Variants in SPATS2 observed in about 807,000 individuals in gnomAD.
SPATS2 encodes spermatogenesis associated serine rich 2, also known as spermatogenesis-associated serine-rich protein 2.
SPATS2 carries 38 observed loss-of-function variants against 63.7 expected under a neutral mutation model. That is an observed-to-expected ratio of 0.60 (90% CI 0.46 to 0.78). SPATS2 has a LOEUF of 0.78. Ranked by LOEUF, SPATS2 falls within the 30% of genes least tolerant of loss-of-function variation. The probability of loss-of-function intolerance (pLI) is 0.00; values close to 1 mark genes in which losing one functional copy is unlikely to be tolerated. For synonymous variants in SPATS2, 207 were observed against 232.9 expected (o/e 0.89, Z 1.01); for missense variants, 588 against 666.2 (o/e 0.88, Z 1.29).
intron 2 of SPATS2, among the ~76,000 whole-genome samples, chr12:49,439,473 C>T (rs1467748374): frequency 1.3e-5 from 2 of 152,086 alleles, no homozygotes; most frequent in Non-Finnish European, 2.9e-5. Flanking sequence ...ATGGCTTGGA[C>T]TAGAGTGGTA....
chr12:49,417,714 A>G (rs957823282), intron 2 of SPATS2, among the ~76,000 whole-genome samples: 15 of 152,240 alleles, frequency 9.9e-5, no homozygotes, highest in Non-Finnish European at 1.9e-4. Flanking sequence ...AAAGAAGACA[A>G]TAGCCTAGCA....
chr12:49,466,174 G>T (rs1218063708), intron 3 of SPATS2, among the ~76,000 whole-genome samples: 7 of 151,456 alleles, frequency 4.6e-5, no homozygotes, highest in East Asian at 3.9e-4. Context: ...GGGTTTTTGG[G>T]TTTTTTTGAA....
chr12:49,460,621 C>G (rs1254848335), intron 2 of SPATS2, 149 bp from the exon 3 acceptor site: 2 of 178,140 alleles, frequency 1.1e-5, no homozygotes, highest in African/African-American at 4.8e-5. Flanking sequence ...AAGAAAAATT[C>G]TGCTTTTCAG....
intron 3 of SPATS2, among the ~76,000 whole-genome samples, chr12:49,482,352 T>C (rs1946220696): frequency 1.3e-5 from 2 of 152,168 alleles, no homozygotes; most frequent in African/African-American, 2.4e-5. Flanking sequence ...TCCTCTAATC[T>C]TTCTCTGAGG....
At chr12:49,518,152 G>A (rs1946880989) in intron 10 of SPATS2, among the ~76,000 whole-genome samples, 1 of 152,222 alleles carries the variant, frequency 6.6e-6, no homozygotes, top group Non-Finnish European at 1.5e-5. Context: ...GTTGGAGAAA[G>A]AAAAGGATAA....
intron 2 of SPATS2, among the ~76,000 whole-genome samples, chr12:49,424,067 G>A (rs1049872572): frequency 3.9e-5 from 6 of 152,116 alleles, no homozygotes; most frequent in African/African-American, 1.4e-4. Context: ...GCCAGGCATG[G>A]TGGTATGCGC....
intron 1 of SPATS2, among the ~76,000 whole-genome samples, chr12:49,368,454 G>T (rs1395227616): frequency 6.6e-6 from 1 of 152,156 alleles, no homozygotes; most frequent in African/African-American, 2.4e-5. Context: ...GTTTTGGAGA[G>T]AACCAAAAGC....
chr12:49,477,059 C>G (rs572986405), intron 3 of SPATS2, among the ~76,000 whole-genome samples: 2 of 150,858 alleles, frequency 1.3e-5, no homozygotes, highest in Non-Finnish European at 2.9e-5. Context: ...GAGCCAAGAT[C>G]GCCATTACAC....
chr12:49,461,337 A>G (rs551432038), intron 3 of SPATS2: 19 of 272,126 alleles, frequency 7.0e-5, no homozygotes, highest in Non-Finnish European at 1.1e-4. Context: ...AGGATATTCT[A>G]TGTTGTTTGA....
chr12:49,508,182 A>G (rs1267382109), intron 9 of SPATS2, among the ~76,000 whole-genome samples: 1 of 150,060 alleles, frequency 6.7e-6, no homozygotes, highest in African/African-American at 2.4e-5. Context: ...TGGTTTCTGG[A>G]GCTTTTAGAC....
chr12:49,390,083 A>G (rs1944393752), intron 2 of SPATS2: 2 of 1,278,910 alleles, frequency 1.6e-6, no homozygotes, highest in African/African-American at 2.9e-5. Context: ...TCACTTTTGA[A>G]CCTAAGGAAA....
At chr12:49,389,216 C>A (rs1221990827) in intron 2 of SPATS2, among the ~76,000 whole-genome samples, 1 of 152,178 alleles carries the variant, frequency 6.6e-6, no homozygotes, top group Non-Finnish European at 1.5e-5. Flanking sequence ...TTCAAGTGTT[C>A]GGCCCTGCCC....
chr12:49,441,112 C>A (rs1437897287), intron 2 of SPATS2, among the ~76,000 whole-genome samples: 1 of 152,110 alleles, frequency 6.6e-6, no homozygotes, highest in Non-Finnish European at 1.5e-5. Flanking sequence ...ATATTAATTT[C>A]TTTAAATAGT....
chr12:49,448,223 T>C lies in SPATS2; in HGVS notation c.-243-12547T>C, dbSNP rs374197752. On this transcript the variant is annotated intron_variant, in intron 2 of 13. Coordinates refer to ENST00000552918, the MANE Select transcript of SPATS2 (RefSeq NM_023071.4). ...CGTGATCTCGGCTCACTGCAAGCTC[T>C]GCCTCCTGGGTTCACACCATTCTCC... 4.9e-4 allele frequency among the ~76,000 whole-genome samples: 74 copies of C among 151,080 alleles called. No homozygotes were observed. The South Asian group carries it at 0.011, about 23-fold the overall frequency.
intron 2 of SPATS2, among the ~76,000 whole-genome samples, chr12:49,450,636 C>A (rs575818670): frequency 6.6e-6 from 1 of 152,016 alleles, no homozygotes; most frequent in East Asian, 1.9e-4. Context: ...CTCTGCCTCC[C>A]AGGTTCAAGC....
intron 12 of SPATS2, among the ~76,000 whole-genome samples, chr12:49,523,234 A>G (rs1946971816): frequency 6.6e-6 from 1 of 152,164 alleles, no homozygotes; most frequent in South Asian, 2.1e-4. Flanking sequence ...CAACAACTGG[A>G]AAGGCTGAGG....
intron 6 of SPATS2, among the ~76,000 whole-genome samples, chr12:49,491,412 G>C (rs1050485939): frequency 1.3e-5 from 2 of 152,062 alleles, no homozygotes; most frequent in Admixed American, 6.6e-5. Context: ...AATGAGCTTT[G>C]ACATAAAGCT....
At position 49,389,765 on chromosome 12, in the gene SPATS2, A is replaced by G. The variant is rs1262315151; in HGVS notation, c.-244+18475A>G. ...AAATCAGAGAATTGCAACAAGAAAG[A>G]AAAGAATTGCGTACATCCCTGGAAG... is the stretch of plus-strand genomic sequence containing the variant. On this transcript the variant is annotated intron_variant, in intron 2 of 13. Transcript: ENST00000552918. 3 of 1,371,992 alleles carry G rather than the reference A, an allele frequency of 2.2e-6. No homozygotes were observed. The African/African-American group carries it at 4.3e-5, about 20-fold the overall frequency. 85.0% of individuals were successfully genotyped at this position (1,371,992 alleles called of 1,614,324 possible).
At chr12:49,394,794 G>A (rs1222136511) in intron 2 of SPATS2, among the ~76,000 whole-genome samples, 2 of 151,998 alleles carry the variant, frequency 1.3e-5, no homozygotes, top group Admixed American at 6.6e-5. Flanking sequence ...TTTTAAGGCC[G>A]GGCGTGGTGC....
Sources: allele counts gnomAD v4.1 joint callset (sites outside exome capture counted in the v4.1 genomes callset), GRCh38; gene constraint gnomAD v4.1.1; transcripts MANE v1.5; gene names NCBI Gene and HGNC (gene_info 2026-07-23, HGNC 2026-07-21).